ASXL2: variants seen among roughly 807,000 people sequenced by gnomAD.
ASXL2 encodes the protein ASXL transcriptional regulator 2.
ASXL2 carries 23 observed loss-of-function variants against 122.0 expected under a neutral mutation model. That is an observed-to-expected ratio of 0.19 (90% CI 0.14 to 0.27). ASXL2 has a LOEUF of 0.27. ASXL2 is among the 10% of genes least tolerant of loss of function. ASXL2 has a pLI of 1.00. For missense variants in ASXL2, 1,518 were observed against 1,713.8 expected (o/e 0.89, Z 2.02); for synonymous variants, 650 against 637.0 (o/e 1.02, Z -0.31).
At chr2:25,858,422 A>G (rs908679298) in intron 1 of ASXL2, among the ~76,000 whole-genome samples, 3 of 151,884 alleles carry the variant, frequency 2.0e-5, no homozygotes, top group Admixed American at 2.0e-4. Context: ...ACATTCCAAA[A>G]AAAAAAAAAA....
chr2:25,763,119 TAGG>T (rs1007369334), intron 8 of ASXL2, among the ~76,000 whole-genome samples: 4 of 152,182 alleles, frequency 2.6e-5, no homozygotes, highest in Non-Finnish European at 5.9e-5. Context: ...ACCATTTGGA[TAGG>T]AGATTTCAAC....
In ASXL2 at chr2:25,772,600, G is replaced by C. The variant is rs180820145; in HGVS notation, c.404-1060C>G. On this transcript the variant is annotated intron_variant, in intron 5 of 12. Transcript: ENST00000435504. ...TACAAAATTAGCCAGGTGTGGTGGT[G>C]TATGCCTGTAATCCCAGCTACTCAG... Among the ~76,000 whole-genome samples the C allele has an allele frequency of 3.1e-3, 465 of 151,908 alleles. 1 individual carries two copies. The highest frequency in any genetic ancestry group is 4.6e-3 in the Non-Finnish European group (310 of 67,932).
chr2:25,838,246 T>C (rs2089536571), intron 2 of ASXL2, among the ~76,000 whole-genome samples: 1 of 152,198 alleles, frequency 6.6e-6, no homozygotes, highest in Non-Finnish European at 1.5e-5. Context: ...TCAGCTAAGC[T>C]CTTTTAGTAC....
chr2:25,758,645 T>C (rs1014349269), intron 9 of ASXL2, among the ~76,000 whole-genome samples: 10 of 151,974 alleles, frequency 6.6e-5, no homozygotes, highest in African/African-American at 1.9e-4. Flanking sequence ...GCCTTGACGC[T>C]TGCCAAACCT....
Position 25,742,548 on chromosome 2 carries a change from T to C in ASXL2, c.3789A>G (p.Arg1263=). 4 of 1,614,022 alleles carry C rather than the reference T, an allele frequency of 2.5e-6. No individual in the cohort carries two copies. Among genetic ancestry groups the C allele is most frequent in the Non-Finnish European group, 3.4e-6 (4 of 1,179,872 alleles). The change falls in exon 13 of 13, where the codon AGA becomes AGG. Residue 1263 remains arginine (R), a synonymous_variant. Transcript: ENST00000435504. Reference sequence around the variant, plus strand: ...GCTTCTGTGCTGCCTGAATTAAATCTCTGGCTAGGGTCTTTTCATCAAATG... The same window carrying C: ...GCTTCTGTGCTGCCTGAATTAAATCCCTGGCTAGGGTCTTTTCATCAAATG... ...GQTFDEKTLA[R]DLIQAAQKQM...
At chr2:25,782,245 T>C (rs556973565) in intron 5 of ASXL2, among the ~76,000 whole-genome samples, 32 of 152,182 alleles carry the variant, frequency 2.1e-4, no homozygotes, top group Admixed American at 3.9e-4. Context: ...CTTACCTGTG[T>C]TGATATAAAC....
intron 1 of ASXL2, among the ~76,000 whole-genome samples, chr2:25,847,687 C>T (rs1177273503): frequency 6.6e-6 from 1 of 151,998 alleles, no homozygotes; most frequent in Non-Finnish European, 1.5e-5. Context: ...CACCATGGAC[C>T]TGGATAAATA....
chr2:25,870,551 T>C (rs2089955141), intron 1 of ASXL2, among the ~76,000 whole-genome samples: 1 of 152,092 alleles, frequency 6.6e-6, no homozygotes, highest in Non-Finnish European at 1.5e-5. Flanking sequence ...ACATCCCTGT[T>C]GTCCTGGCTA....
At chr2:25,772,170 GTTCT>G (rs1185375515) in intron 5 of ASXL2, among the ~76,000 whole-genome samples, 2 of 152,032 alleles carry the variant, frequency 1.3e-5, no homozygotes, top group Non-Finnish European at 2.9e-5. Flanking sequence ...GCGAACAAGG[GTTCT>G]TTAAGAATCT....
At chr2:25,755,962 G>T in intron 10 of ASXL2, 56 bp downstream of exon 10, 1 of 1,365,822 alleles carries the variant, frequency 7.3e-7, no homozygotes, top group South Asian at 1.2e-5. Context: ...TGATGAGGAA[G>T]AGAGGTGCTC....
In ASXL2 at chr2:25,759,574, G is replaced by A. The variant is rs2149146545; in HGVS notation, c.847C>T (p.Leu283=). ...GTGTGCTTGTTGATCAGTGCTCGCAGATTTGTATTAACCAGAATGGAGTCC... is the reference window on the plus strand; with the variant it reads ...GTGTGCTTGTTGATCAGTGCTCGCAAATTTGTATTAACCAGAATGGAGTCC... The part of the protein sequence containing the change: ...TPDSILVNTN[L]RALINKHTFS... The change falls in exon 9 of 13, where the codon CTG becomes TTG. Residue 283 remains leucine, a synonymous_variant. Coordinates refer to ENST00000435504, the MANE Select transcript of ASXL2 (RefSeq NM_018263.6). 3 of 1,613,976 alleles carry A rather than the reference G, an allele frequency of 1.9e-6. No homozygotes were observed. The highest frequency in any genetic ancestry group is 2.5e-6 in the Non-Finnish European group (3 of 1,179,876).
intron 5 of ASXL2, among the ~76,000 whole-genome samples, chr2:25,773,005 T>C (rs147408161): frequency 0.019 from 2,900 of 150,870 alleles, 298 homozygotes; most frequent in Admixed American, 0.16. Flanking sequence ...AGTCAGGAGT[T>C]CAAGACCAGC....
chr2:25,811,055 T>TACACAC (rs34006530), intron 3 of ASXL2, among the ~76,000 whole-genome samples: 21,521 of 116,216 alleles, frequency 0.19, 2,334 homozygotes, highest in Non-Finnish European at 0.23. Flanking sequence ...AATACAAAAA[T>TACACAC]ACACACACAC....
intron 3 of ASXL2, among the ~76,000 whole-genome samples, chr2:25,806,835 T>G (rs2089090253): frequency 6.6e-6 from 1 of 152,116 alleles, no homozygotes; most frequent in South Asian, 2.1e-4. Context: ...TTCTGAATAT[T>G]TATATGTAGC....
chr2:25,864,002 T>C (rs1221682146), intron 1 of ASXL2, among the ~76,000 whole-genome samples: 1 of 142,040 alleles, frequency 7.0e-6, no homozygotes, highest in African/African-American at 2.6e-5. Context: ...CGAGACTCCA[T>C]CTCAAAAAAA....
At chr2:25,826,203 A>G (rs1375368765) in intron 3 of ASXL2, among the ~76,000 whole-genome samples, 1 of 152,170 alleles carries the variant, frequency 6.6e-6, no homozygotes, top group African/African-American at 2.4e-5. Context: ...TTTCCTCTGC[A>G]ATGTTTGAAT....
At position 25,856,782 on chromosome 2, in the gene ASXL2, G is replaced by C. The variant is rs2089784508; in HGVS notation, c.58-11219C>G. 6.3e-6 allele frequency: 8 copies of C among 1,278,278 alleles called. No homozygotes were observed. In the South Asian group the frequency reaches 9.8e-5, roughly 16 times the overall value. The allele number at this position is 1,278,278 out of a possible 1,614,324, so 79.2% of individuals were successfully genotyped here. ...GCAGACCTTCTTCTCAAAGGACTGG[G>C]CAATCCTCTTGGGGTTGGTGACTGT... On this transcript the variant is annotated intron_variant, in intron 1 of 12. Transcript: ENST00000435504.
intron 1 of ASXL2, among the ~76,000 whole-genome samples, chr2:25,865,494 G>A (rs1004273705): frequency 1.7e-4 from 26 of 149,472 alleles, no homozygotes; most frequent in African/African-American, 4.2e-4. Flanking sequence ...TAGGCTGGGC[G>A]TGGTGGCTCA....
At chr2:25,803,282 C>T (rs1006017979) in intron 4 of ASXL2, among the ~76,000 whole-genome samples, 2 of 152,208 alleles carry the variant, frequency 1.3e-5, no homozygotes, top group Non-Finnish European at 2.9e-5. Context: ...TCTGGCCATT[C>T]ATCTGTATCT....
Sources: allele counts gnomAD v4.1 joint callset (sites outside exome capture counted in the v4.1 genomes callset), GRCh38; gene constraint gnomAD v4.1.1; transcripts MANE v1.5; gene names NCBI Gene and HGNC (gene_info 2026-07-23, HGNC 2026-07-21).